SLC4A1AP: variants seen among roughly 807,000 people sequenced by gnomAD.
SLC4A1AP encodes solute carrier family 4 member 1 adaptor protein.
SLC4A1AP carries 64 observed loss-of-function variants against 89.7 expected under a neutral mutation model. That is an observed-to-expected ratio of 0.71 (90% confidence interval 0.58 to 0.88). The LOEUF (loss-of-function observed/expected upper bound fraction) is 0.88. Among genes scored for constraint, SLC4A1AP ranks in the 40% least tolerant of loss-of-function variants. The pLI, the probability that SLC4A1AP is intolerant of heterozygous loss-of-function variation, is 0.00. For missense variants in SLC4A1AP, 931 were observed against 965.0 expected (o/e 0.96, Z 0.47); for synonymous variants, 366 against 353.3 (o/e 1.04, Z -0.40).
chr2:27,668,030 G>T (rs1209998045), intron 3 of SLC4A1AP, among the ~76,000 whole-genome samples: 2 of 152,102 alleles, frequency 1.3e-5, no homozygotes. Context: ...TGGTTACTTT[G>T]ATCTGAGTTT....
exon 7 of SLC4A1AP, chr2:27,677,358 A>G: frequency 6.2e-7 from 1 of 1,611,248 alleles, no homozygotes; most frequent in Non-Finnish European, 8.5e-7. Context: ...GAAAGCCTCA[A>G]GCCAAGGTAA....
At chr2:27,664,040 C>G in exon 1 of SLC4A1AP, 1 of 1,614,230 alleles carries the variant, frequency 6.2e-7, no homozygotes, top group Non-Finnish European at 8.5e-7. Context: ...GTTCTTCAAA[C>G]CCTGAGGAGG....
intron 12 of SLC4A1AP, among the ~76,000 whole-genome samples, chr2:27,690,041 C>T (rs947728733): frequency 6.6e-6 from 1 of 152,112 alleles, no homozygotes; most frequent in Non-Finnish European, 1.5e-5. Context: ...GAGAATATTC[C>T]CCCAAGTAGG....
exon 12 of SLC4A1AP, chr2:27,688,719 G>T: frequency 6.2e-7 from 1 of 1,602,558 alleles, no homozygotes; most frequent in South Asian, 1.1e-5. Flanking sequence ...ATGAATATGA[G>T]AAAAGCAGAG....
At chr2:27,693,138 G>A (rs955316157) in intron 12 of SLC4A1AP, 5 of 136,254 alleles carry the variant, frequency 3.7e-5, no homozygotes, top group African/African-American at 1.8e-4. Flanking sequence ...TGCAACGTTA[G>A]CCAGACTGGT....
At chr2:27,666,871 ATTTT>A (rs61280972) in intron 2 of SLC4A1AP, among the ~76,000 whole-genome samples, 14 of 135,242 alleles carry the variant, frequency 1.0e-4, no homozygotes, top group Admixed American at 3.6e-4. Flanking sequence ...ATATATATAT[ATTTT>A]TTTTTTTTTG....
At chr2:27,693,738 G>A (rs747844410) in exon 13 of SLC4A1AP, 15 of 1,612,142 alleles carry the variant, frequency 9.3e-6, no homozygotes, top group Non-Finnish European at 1.3e-5. Flanking sequence ...ACTACTGTGT[G>A]TGGGTCCCAC....
chr2:27,668,727 G>T, intron 3 of SLC4A1AP, 116 bp from the exon 4 acceptor site: 1 of 948,660 alleles, frequency 1.1e-6, no homozygotes, highest in Non-Finnish European at 1.7e-6. Context: ...TAGGATTACA[G>T]GCGTGAGCCA....
At chr2:27,664,175 G>C (rs939107742) in exon 1 of SLC4A1AP, 1 of 1,614,162 alleles carries the variant, frequency 6.2e-7, no homozygotes, top group Admixed American at 1.7e-5. Context: ...CCCCGACAGC[G>C]GTTTCTTCCC....
exon 14 of SLC4A1AP, chr2:27,694,912 A>G (rs2148143655): frequency 2.6e-6 from 1 of 378,590 alleles, no homozygotes; most frequent in South Asian, 1.3e-4. Flanking sequence ...AGGGAACCAT[A>G]TGTTTTGAGA....
In SLC4A1AP at chr2:27,669,401, A is replaced by C; in HGVS notation, c.1345+14A>C. Reference sequence around the variant, plus strand: ...GGCAGGAAGCAGGTCAGTATATAGGAGCCCTTTTTTTCTAGATTTAAAAAA... The same window carrying C: ...GGCAGGAAGCAGGTCAGTATATAGGCGCCCTTTTTTTCTAGATTTAAAAAA... On this transcript the variant is annotated intron_variant, in intron 5 of 13. Coordinates refer to ENST00000613058, the Ensembl canonical transcript of SLC4A1AP. 1 of 1,471,366 alleles carries C rather than the reference A, an allele frequency of 6.8e-7. No individual in the cohort carries two copies. The highest frequency in any genetic ancestry group is 9.0e-7 in the Non-Finnish European group (1 of 1,109,376). 91.1% of individuals were successfully genotyped at this position (1,471,366 alleles called of 1,614,324 possible). A position where few individuals can be genotyped will look rare whatever the true frequency, so the allele number is the denominator to read the frequency against.
intron 5 of SLC4A1AP, among the ~76,000 whole-genome samples, chr2:27,671,834 G>A (rs1675431293): frequency 6.6e-6 from 1 of 152,114 alleles, no homozygotes; most frequent in South Asian, 2.1e-4. Context: ...TCTTGTTTTG[G>A]TGGACATCCT....
chr2:27,676,622 G>A (rs974556141), intron 6 of SLC4A1AP, among the ~76,000 whole-genome samples: 4 of 151,308 alleles, frequency 2.6e-5, no homozygotes, highest in Non-Finnish European at 5.9e-5. Flanking sequence ...AGGAGTTCGA[G>A]ACCCACCTGA....
exon 8 of SLC4A1AP, chr2:27,677,810 A>G (rs1675548860): frequency 6.2e-7 from 1 of 1,613,764 alleles, no homozygotes; most frequent in South Asian, 1.1e-5. Context: ...AGTACATTAG[A>G]TGGTGTGTCC....
chr2:27,679,483 T>A (rs756482568), intron 8 of SLC4A1AP, among the ~76,000 whole-genome samples: 22 of 152,102 alleles, frequency 1.4e-4, no homozygotes, highest in African/African-American at 5.1e-4. Context: ...GTGCCTGTAG[T>A]CCCAGCTACT....
At chr2:27,673,988 A>G (rs1172209181) in intron 5 of SLC4A1AP, among the ~76,000 whole-genome samples, 1 of 135,550 alleles carries the variant, frequency 7.4e-6, no homozygotes, top group African/African-American at 2.9e-5. Context: ...GACATATACA[A>G]GTTGTGTGTG....
intron 2 of SLC4A1AP, among the ~76,000 whole-genome samples, 173 bp downstream of exon 2, chr2:27,665,468 G>A (rs1675301080): frequency 6.6e-6 from 1 of 152,150 alleles, no homozygotes; most frequent in African/African-American, 2.4e-5. Context: ...CTTTACTGTT[G>A]TAAAGAAATT....
chr2:27,671,713 T>C (rs1186180361), intron 5 of SLC4A1AP, among the ~76,000 whole-genome samples: 2 of 152,226 alleles, frequency 1.3e-5, no homozygotes, highest in Non-Finnish European at 2.9e-5. Context: ...CCTTGCACAG[T>C]AGTACATCCT....
chr2:27,684,216 C>T (rs1401890732), intron 9 of SLC4A1AP, among the ~76,000 whole-genome samples: 1 of 151,970 alleles, frequency 6.6e-6, no homozygotes, highest in African/African-American at 2.4e-5. Context: ...TGCTTGAGCT[C>T]ACTAGTCGAG....
Sources: gnomAD v4.1 joint callset for allele counts (sites outside exome capture counted in the v4.1 genomes callset) on GRCh38, gnomAD v4.1.1 for gene constraint, MANE v1.5 for transcripts, NCBI Gene and HGNC (gene_info 2026-07-23, HGNC 2026-07-21) for gene names.